COL24A1: variants seen among roughly 807,000 people sequenced by gnomAD.
The protein encoded by COL24A1 is collagen alpha-1(XXIV) chain.
In COL24A1, 224 loss-of-function variants were observed where a neutral mutation model predicts 253.9. That is an observed-to-expected ratio of 0.88 (90% CI 0.79 to 0.99). COL24A1 has a LOEUF of 0.99. COL24A1 is among the 50% of genes least tolerant of loss of function. The pLI is 0.00. For missense variants in COL24A1, 2,131 were observed against 2,068.5 expected (o/e 1.03, Z -0.59); for synonymous variants, 685 against 673.7 (o/e 1.02, Z -0.26).
chr1:86,039,670 C>T (rs1055614675), intron 12 of COL24A1, among the ~76,000 whole-genome samples: 1 of 151,966 alleles, frequency 6.6e-6, no homozygotes, highest in Non-Finnish European at 1.5e-5. Flanking sequence ...TCATTTGTTC[C>T]AAAACTAAGC....
At chr1:86,097,528 TCCCTCCTCCTC>T (rs1455761678) in intron 5 of COL24A1, among the ~76,000 whole-genome samples, 12 of 6,018 alleles carry the variant, frequency 2.0e-3, no homozygotes, top group East Asian at 3.5e-3. Flanking sequence ...TCCTCCCTCC[TCCCTCCTCCTC>T]CCTCCTCCCT....
At chr1:85,847,886 G>T (rs1229480437) in intron 38 of COL24A1, 114 bp from the exon 39 acceptor site, 2 of 585,612 alleles carry the variant, frequency 3.4e-6, no homozygotes, top group Non-Finnish European at 6.0e-6. Context: ...CAGTATTACA[G>T]ATCACTATTA....
intron 41 of COL24A1, 35 bp from the exon 42 acceptor site, chr1:85,841,313 A>T: frequency 7.1e-7 from 1 of 1,408,630 alleles, no homozygotes; most frequent in Non-Finnish European, 9.8e-7. Context: ...ACAAAACTCA[A>T]TAAATAAAAT....
chr1:85,755,694 C>T (rs1286300272), intron 55 of COL24A1, among the ~76,000 whole-genome samples: 4 of 152,032 alleles, frequency 2.6e-5, no homozygotes, highest in African/African-American at 9.7e-5. Context: ...TGAAGTTAGA[C>T]CCTTAACTTA....
chr1:86,064,791 G>A lies in COL24A1; in HGVS notation c.1708-1032C>T, dbSNP rs536387777. Among the ~76,000 whole-genome samples the A allele has an allele frequency of 7.2e-5, 11 of 152,248 alleles. No individual in the cohort carries two copies. The East Asian group carries it at 7.7e-4, about 11-fold the overall frequency. On this transcript the variant is annotated intron_variant, in intron 7 of 59. Coordinates refer to ENST00000370571, the MANE Select transcript of COL24A1 (RefSeq NM_152890.7). Reference sequence around the variant, plus strand: ...TTAATGGATTAGAGAAGGGAATGACGCTTTGGTTGAAAAACGTCATTTAGA... The same window carrying A: ...TTAATGGATTAGAGAAGGGAATGACACTTTGGTTGAAAAACGTCATTTAGA...
At chr1:85,927,198 C>G (rs999321261) in intron 24 of COL24A1, among the ~76,000 whole-genome samples, 7 of 152,080 alleles carry the variant, frequency 4.6e-5, no homozygotes, top group East Asian at 3.9e-4. Context: ...GAGTGCCAGA[C>G]AGTGGGCGGA....
At chr1:85,967,058 G>T (rs1227268321) in intron 22 of COL24A1, among the ~76,000 whole-genome samples, 2 of 152,184 alleles carry the variant, frequency 1.3e-5, no homozygotes, top group Non-Finnish European at 2.9e-5. Flanking sequence ...GTAGTCAAAA[G>T]GACAGGGTAT....
rs896333511 is a variant in COL24A1 at position 85,815,384 on chromosome 1, T to C, written c.3951+1404A>G. Among the ~76,000 whole-genome samples, 26 of 152,182 alleles carry C rather than the reference T, an allele frequency of 1.7e-4. 1 individual carries two copies. The highest frequency in any genetic ancestry group is 6.3e-4 in the African/African-American group (26 of 41,450). Reference sequence around the variant, plus strand: ...AATGAGTCTCTTTTAACCAGACTGATACTACTAGCAAAAGTCTATACAATA... The same window carrying C: ...AATGAGTCTCTTTTAACCAGACTGACACTACTAGCAAAAGTCTATACAATA... On this transcript the variant is annotated intron_variant, in intron 47 of 59. Transcript: ENST00000370571.
rs142430168 is a variant in COL24A1 at position 85,999,321 on chromosome 1, T to C, written c.2311-11667A>G. ...GAACAGTTTCAGGTTTGCAACATTG[T>C]AACAACTAGTACTAAGATTCCAGCT... On this transcript the variant is annotated intron_variant, in intron 19 of 59. Transcript: ENST00000370571. 2.0e-5 allele frequency among the ~76,000 whole-genome samples: 3 copies of C among 152,206 alleles called. No homozygotes were observed. In the East Asian group the frequency reaches 5.8e-4, roughly 29 times the overall value.
At chr1:85,883,668 C>CTT (rs1044250516) in intron 32 of COL24A1, 1 of 152,122 alleles carries the variant, frequency 6.6e-6, no homozygotes, top group African/African-American at 2.4e-5. Context: ...CATTTTCTTT[C>CTT]TTTTTTTAAA....
chr1:85,784,127 A>G lies in COL24A1; in HGVS notation c.4207T>C (p.Phe1403Leu), dbSNP rs1318966898. ...GVQGLTGFQG[F>L]PGPKGPEGDA... is the part of the protein sequence containing the mutation. ...TGTAAACATACTTTAGGGCCTGGGA[A>G]TCCTTGGAAACCTGTCAAACCTTGA... The change falls in exon 50 of 60, where the codon TTC (phenylalanine) becomes CTC (leucine). Residue 1403 changes from phenylalanine to leucine, a missense_variant. Phe to Leu is a conservative substitution (Grantham distance 22, BLOSUM62 0). Transcript: ENST00000370571. 1.2e-6 allele frequency: 2 copies of G among 1,613,372 alleles called. No individual in the cohort carries two copies. The highest frequency in any genetic ancestry group is 2.2e-5 in the East Asian group (1 of 44,864).
At chr1:85,917,010 A>G (rs1389941584) in intron 24 of COL24A1, among the ~76,000 whole-genome samples, 1 of 152,236 alleles carries the variant, frequency 6.6e-6, no homozygotes, top group Non-Finnish European at 1.5e-5. Flanking sequence ...CAGTATGGAC[A>G]CAGATTAACT....
At chr1:85,784,004 C>T (rs1669405931) in intron 50 of COL24A1, 109 bp downstream of exon 50, 2 of 757,628 alleles carry the variant, frequency 2.6e-6, no homozygotes, top group African/African-American at 3.5e-5. Flanking sequence ...AAATATGTAC[C>T]AACTGAAATT....
chr1:86,131,219 G>T (rs1420034523), intron 2 of COL24A1, among the ~76,000 whole-genome samples: 1 of 151,880 alleles, frequency 6.6e-6, no homozygotes, highest in African/African-American at 2.4e-5. Context: ...ATAAGAATAT[G>T]GCACCATATT....
Position 85,870,842 on chromosome 1 carries a change from A to G in COL24A1, c.3139-2007T>C, listed in dbSNP as rs369161615. Among the ~76,000 whole-genome samples, 3 of 152,202 alleles carry G rather than the reference A, an allele frequency of 2.0e-5. No individual in the cohort carries two copies. In the East Asian group the frequency reaches 5.8e-4, roughly 29 times the overall value. ...AGCACACCGAAGGCAAGAAACAACT[A>G]AGATCAGAGCAGAACTGAAGGAGAT... On this transcript the variant is annotated intron_variant, in intron 35 of 59. Coordinates refer to ENST00000370571, the MANE Select transcript of COL24A1 (RefSeq NM_152890.7).
chr1:85,967,165 A>T (rs1352721869), intron 22 of COL24A1, among the ~76,000 whole-genome samples: 1 of 152,174 alleles, frequency 6.6e-6, no homozygotes, highest in African/African-American at 2.4e-5. Context: ...GAAGGTGGGT[A>T]GATGCAATGT....
intron 1 of COL24A1, among the ~76,000 whole-genome samples, chr1:86,149,107 C>T (rs1652362672): frequency 6.6e-6 from 1 of 152,166 alleles, no homozygotes; most frequent in Admixed American, 6.5e-5. Context: ...GTTGGCCAGG[C>T]TGGTCTCGAA....
chr1:85,736,906 T>C (rs1254452596), intron 58 of COL24A1, among the ~76,000 whole-genome samples: 1 of 152,220 alleles, frequency 6.6e-6, no homozygotes, highest in Non-Finnish European at 1.5e-5. Flanking sequence ...GTTTGATTTA[T>C]AGAATTATTC....
At chr1:86,113,196 G>A (rs1705784191) in intron 4 of COL24A1, among the ~76,000 whole-genome samples, 1 of 152,158 alleles carries the variant, frequency 6.6e-6, no homozygotes, top group Non-Finnish European at 1.5e-5. Context: ...CTGTGTTGAT[G>A]TTTTGTGTTT....
Sources: allele counts gnomAD v4.1 joint callset (sites outside exome capture counted in the v4.1 genomes callset), GRCh38; gene constraint gnomAD v4.1.1; transcripts MANE v1.5; gene names NCBI Gene and HGNC (gene_info 2026-07-23, HGNC 2026-07-21).